The following PLCB1 variants were observed in gnomAD, a reference collection of about 807,000 sequenced individuals.
PLCB1 encodes the protein phospholipase C beta 1.
PLCB1 carries 46 observed loss-of-function variants against 161.8 expected under a neutral mutation model. The observed-to-expected ratio is 0.28, with a 90% CI of 0.22 to 0.36. The LOEUF (loss-of-function observed/expected upper bound fraction) is 0.36. PLCB1 is among the 10% of genes least tolerant of loss of function. The pLI, the probability that PLCB1 is intolerant of heterozygous loss-of-function variation, is 1.00. For missense variants in PLCB1, 1,016 were observed against 1,472.5 expected (o/e 0.69, Z 5.07); for synonymous variants, 517 against 503.7 (o/e 1.03, Z -0.35).
intron 2 of PLCB1, among the ~76,000 whole-genome samples, chr20:8,184,766 A>AC (rs1301133587): frequency 7.8e-4 from 95 of 121,196 alleles, no homozygotes; most frequent in African/African-American, 2.8e-3. Flanking sequence ...GTTTGGCAAT[A>AC]CCTTTATTAT....
At chr20:8,227,409 C>T (rs1475780004) in intron 2 of PLCB1, among the ~76,000 whole-genome samples, 1 of 152,114 alleles carries the variant, frequency 6.6e-6, no homozygotes, top group Non-Finnish European at 1.5e-5. Flanking sequence ...GATTTTTGAT[C>T]ACAGAAATTA....
chr20:8,686,413 G>A (rs1990358280), intron 10 of PLCB1, among the ~76,000 whole-genome samples: 2 of 152,102 alleles, frequency 1.3e-5, no homozygotes, highest in African/African-American at 4.8e-5. Context: ...TTGTTTAAGT[G>A]GAAGTCACAA....
chr20:8,520,492 C>G lies in PLCB1; in HGVS notation c.247-107802C>G, dbSNP rs151214101. On this transcript the variant is annotated intron_variant, in intron 3 of 31. Transcript: ENST00000338037. The stretch of plus-strand genomic sequence containing the variant: ...TTAGATCTAAGATTCAAGTAACAAC[C>G]TATGCACCTTTTTCTAACAGTACTT... Among the ~76,000 whole-genome samples the G allele has an allele frequency of 3.9e-3, 586 of 152,164 alleles. 1 individual carries two copies. Among genetic ancestry groups the G allele is most frequent in the African/African-American group, 0.014 (569 of 41,504 alleles).
chr20:8,446,260 A>C (rs1272604126), intron 3 of PLCB1, among the ~76,000 whole-genome samples: 1 of 152,214 alleles, frequency 6.6e-6, no homozygotes, highest in East Asian at 1.9e-4. Context: ...CAACATATGC[A>C]AATCAATAAA....
chr20:8,781,785 A>G (rs6039263), intron 27 of PLCB1, among the ~76,000 whole-genome samples: 93,199 of 152,004 alleles, frequency 0.61, 29,049 homozygotes, highest in Non-Finnish European at 0.66. Context: ...GGCAAAGAGA[A>G]CTTGTGCAGG....
intron 2 of PLCB1, among the ~76,000 whole-genome samples, chr20:8,266,363 T>A (rs776068922): frequency 2.0e-5 from 3 of 152,166 alleles, no homozygotes; most frequent in Non-Finnish European, 4.4e-5. Flanking sequence ...ACATGGTACC[T>A]CATCCTCCAA....
intron 3 of PLCB1, among the ~76,000 whole-genome samples, chr20:8,394,640 A>T (rs1337407253): frequency 6.6e-6 from 1 of 152,212 alleles, no homozygotes; most frequent in Non-Finnish European, 1.5e-5. Flanking sequence ...AGGCCATAAC[A>T]TATATTTCAT....
chr20:8,482,561 G>A (rs561255316), intron 3 of PLCB1, among the ~76,000 whole-genome samples: 1 of 152,142 alleles, frequency 6.6e-6, no homozygotes, highest in South Asian at 2.1e-4. Flanking sequence ...CCTCTTTATT[G>A]AAAGTACTAA....
chr20:8,269,258 C>G (rs189876654), intron 2 of PLCB1, among the ~76,000 whole-genome samples: 29 of 152,012 alleles, frequency 1.9e-4, no homozygotes, highest in Non-Finnish European at 3.4e-4. Flanking sequence ...TGACAGGCCC[C>G]GGTCTGTGAT....
chr20:8,278,182 G>A (rs966541328), intron 2 of PLCB1, among the ~76,000 whole-genome samples: 3 of 148,752 alleles, frequency 2.0e-5, no homozygotes, highest in African/African-American at 7.5e-5. Flanking sequence ...CAAGTACATT[G>A]GTAAGGGAAA....
At position 8,132,729 on chromosome 20, in the gene PLCB1, C is replaced by T; in HGVS notation, c.78C>T (p.Thr26=). ...VCVSDSLKKG[T]KFVKWDDDST... Reference sequence around the variant, plus strand: ...TGTCCGACAGCCTCAAGAAGGGCACCAAATTCGTCAAGTGGGATGATGTAA... The same window carrying T: ...TGTCCGACAGCCTCAAGAAGGGCACTAAATTCGTCAAGTGGGATGATGTAA... Residue 26 remains threonine, a synonymous_variant, in exon 1 of 32, where the codon ACC becomes ACT. Transcript: ENST00000338037. The surrounding 1 kb of genome is among the most constrained non-coding windows in gnomAD (Gnocchi z 5.2). 6.2e-7 allele frequency: 1 copy of T among 1,611,958 alleles called. No individual in the cohort carries two copies. Among genetic ancestry groups the T allele is most frequent in the Non-Finnish European group, 8.5e-7 (1 of 1,178,424 alleles).
Position 8,464,237 on chromosome 20 carries a change from GAAATTTCACTA to G in PLCB1, c.246+92789_246+92799del, listed in dbSNP as rs1416849009. Among the ~76,000 whole-genome samples the G allele has an allele frequency of 5.8e-4, 88 of 152,232 alleles. 1 individual carries two copies. In the East Asian group the frequency reaches 0.016, roughly 27 times the overall value. ...ATTTTCATGTTGTATTGGGTGTTCT[GAAATTTCACTA>G]AGTCTCCAGGTATATGTCTTTCTAA... On this transcript the variant is annotated intron_variant, in intron 3 of 31. Transcript: ENST00000338037.
At chr20:8,196,389 C>A (rs2052024091) in intron 2 of PLCB1, among the ~76,000 whole-genome samples, 1 of 152,076 alleles carries the variant, frequency 6.6e-6, no homozygotes, top group Non-Finnish European at 1.5e-5. Flanking sequence ...GCATATTCTC[C>A]ATTTTGCTCA....
chr20:8,188,365 T>A (rs1026268366), intron 2 of PLCB1, among the ~76,000 whole-genome samples: 1 of 152,076 alleles, frequency 6.6e-6, no homozygotes, highest in Admixed American at 6.6e-5. Context: ...CAGGGAAGGA[T>A]GAAGTACTGG....
intron 2 of PLCB1, among the ~76,000 whole-genome samples, chr20:8,210,549 A>G (rs1978768788): frequency 6.6e-6 from 1 of 152,278 alleles, no homozygotes. Flanking sequence ...TCAAAGGATC[A>G]TTCTCTGTAT....
intron 3 of PLCB1, among the ~76,000 whole-genome samples, chr20:8,390,973 C>T (rs146586747): frequency 4.0e-5 from 6 of 151,542 alleles, no homozygotes; most frequent in East Asian, 3.9e-4. Flanking sequence ...ACGTAAGGCA[C>T]CTAACACAAT....
intron 31 of PLCB1, among the ~76,000 whole-genome samples, chr20:8,809,447 C>T (rs1217841939): frequency 6.6e-6 from 1 of 152,192 alleles, no homozygotes; most frequent in African/African-American, 2.4e-5. Flanking sequence ...TACACCTCCT[C>T]CCAACGCCTT....
At chr20:8,684,859 A>G in intron 9 of PLCB1, 73 bp from the exon 10 acceptor site, 1 of 1,222,600 alleles carries the variant, frequency 8.2e-7, no homozygotes. Context: ...TTTCTGGAAA[A>G]AAAAAAAAAA....
At chr20:8,185,067 T>C (rs2051888896) in intron 2 of PLCB1, among the ~76,000 whole-genome samples, 1 of 152,040 alleles carries the variant, frequency 6.6e-6, no homozygotes, top group Non-Finnish European at 1.5e-5. Context: ...CTGTGTAAGT[T>C]TGCTGAGAAT....
Sources: allele counts gnomAD v4.1 joint callset (sites outside exome capture counted in the v4.1 genomes callset), GRCh38; gene constraint gnomAD v4.1.1; non-coding constraint Gnocchi (gnomAD v3.1); transcripts MANE v1.5; gene names NCBI Gene and HGNC (gene_info 2026-07-23, HGNC 2026-07-21).